CEP164: variants seen among roughly 807,000 people sequenced by gnomAD.
The protein encoded by CEP164 is centrosomal protein of 164 kDa.
CEP164 carries 162 observed loss-of-function variants against 182.7 expected under a neutral mutation model. That is an observed-to-expected ratio of 0.89 (90% confidence interval 0.78 to 1.01). CEP164 has a LOEUF of 1.01. Among genes scored for constraint, CEP164 ranks in the 50% least tolerant of loss-of-function variants. The pLI is 0.00. For synonymous variants in CEP164, 661 were observed against 690.0 expected (o/e 0.96, Z 0.66); for missense variants, 1,735 against 1,790.4 (o/e 0.97, Z 0.56).
chr11:117,380,070 G>A (rs2043155330), intron 11 of CEP164, among the ~76,000 whole-genome samples: 1 of 151,946 alleles, frequency 6.6e-6, no homozygotes, highest in African/African-American at 2.4e-5. Flanking sequence ...CAGGTGCCAG[G>A]TGGTGCCCTT....
upstream of CEP164, among the ~76,000 whole-genome samples, chr11:117,327,178 T>C (rs1233065763): frequency 1.3e-5 from 2 of 152,222 alleles, no homozygotes; most frequent in African/African-American, 4.8e-5. Context: ...GTTTAACTCC[T>C]GGTCAGGTGC....
chr11:117,401,441 T>C (rs1207946496), intron 27 of CEP164, among the ~76,000 whole-genome samples: 2 of 152,198 alleles, frequency 1.3e-5, no homozygotes, highest in African/African-American at 2.4e-5. Flanking sequence ...TGAAATTTTC[T>C]TTTTTTGTTG....
Position 117,409,238 on chromosome 11 carries a change from A to T in CEP164, c.3748+210A>T. On this transcript the variant is annotated intron_variant, in intron 29 of 32. Transcript: ENST00000278935. This position sits in a 1 kb window ranked among gnomAD's most constrained non-coding sequence, Gnocchi z 4.4. Reference sequence around the variant, plus strand: ...CTGAAAGGTCAGGGAAGCCCTCTGAATGCTGCAGAGCACTCTACGGTGTGA... The same window carrying T: ...CTGAAAGGTCAGGGAAGCCCTCTGATTGCTGCAGAGCACTCTACGGTGTGA... The T allele has an allele frequency of 4.6e-6, 3 of 657,248 alleles. No individual in the cohort carries two copies. The highest frequency in any genetic ancestry group is 7.7e-6 in the Non-Finnish European group (3 of 387,682). 40.7% of individuals were successfully genotyped at this position (657,248 alleles called of 1,614,324 possible).
chr11:117,409,030 T>A lies in CEP164; in HGVS notation c.3748+2T>A. On this transcript the variant is annotated splice_donor_variant, in intron 29 of 32. Transcript: ENST00000278935. LOFTEE classifies it high-confidence loss of function. The surrounding 1 kb of genome is among the most constrained non-coding windows in gnomAD (Gnocchi z 4.4). Reference sequence around the variant, plus strand: ...GTGAGTGGTGGCGGCAGCAGAGGAGTGAGTGGGGGAGATGCGGGGTGAGGA... The same window carrying A: ...GTGAGTGGTGGCGGCAGCAGAGGAGAGAGTGGGGGAGATGCGGGGTGAGGA... 2 of 1,612,338 alleles carry A rather than the reference T, an allele frequency of 1.2e-6. No homozygotes were observed. Among genetic ancestry groups the A allele is most frequent in the Non-Finnish European group, 1.7e-6 (2 of 1,179,528 alleles).
rs1014772358 is a variant in CEP164, at chr11:117,411,720, T to G, written c.4164-75T>G. On this transcript the variant is annotated intron_variant, in intron 31 of 32. Coordinates refer to ENST00000278935, the MANE Select transcript of CEP164 (RefSeq NM_014956.5). The surrounding 1 kb of genome is among the most constrained non-coding windows in gnomAD (Gnocchi z 4.4). ...AGAAAGAGGGAGGAGGTGACAGATG[T>G]GATGGCCTCTGTGCATCCTCTGTCA... The G allele has an allele frequency of 6.3e-7, 1 of 1,582,058 alleles. No individual in the cohort carries two copies. Among genetic ancestry groups the G allele is most frequent in the Non-Finnish European group, 8.6e-7 (1 of 1,159,344 alleles).
rs147851360 is a variant in CEP164, at chr11:117,391,576, C to A, written c.2283+361C>A. 9.0e-4 allele frequency among the ~76,000 whole-genome samples: 137 copies of A among 152,070 alleles called. 1 individual carries two copies. In the Middle Eastern group the frequency reaches 0.014, roughly 15 times the overall value. ...AAGTTCGTGACTGAAAGAGATTTAG[C>A]CAGACCAGAGGTTTTGAGACAAAGG... On this transcript the variant is annotated intron_variant, in intron 17 of 32. Transcript: ENST00000278935.
intron 8 of CEP164, among the ~76,000 whole-genome samples, chr11:117,370,229 G>A (rs1202668183): frequency 6.6e-5 from 10 of 151,856 alleles, no homozygotes; most frequent in Admixed American, 6.6e-4. Flanking sequence ...AGTGCTCGGT[G>A]AGGATGCTGT....
rs138487235 is a variant in CEP164, at chr11:117,397,296, C to A, written c.3484C>A (p.Arg1162Ser). ...PPGIKALEDM[R>S]KNLEKETRHL... ...AGGCATCAAGGCCCTGGAAGATATG[C>A]GCAAGAACCTGGAGAAGGTCAGGAG... Residue 1162 changes from arginine to serine, a missense_variant, in exon 27 of 33, where the codon CGC (arginine) becomes AGC (serine). By Grantham distance (110) the Arg-to-Ser change is moderately radical. Coordinates refer to ENST00000278935, the MANE Select transcript of CEP164 (RefSeq NM_014956.5). The A allele has an allele frequency of 2.2e-4, 350 of 1,612,742 alleles. 5 individuals are homozygous for A. The South Asian group carries it at 3.2e-3, about 15-fold the overall frequency.
chr11:117,333,974 T>C (rs367831171), intron 1 of CEP164, among the ~76,000 whole-genome samples: 2 of 152,322 alleles, frequency 1.3e-5, no homozygotes, highest in Admixed American at 6.5e-5. Context: ...TAGAACACGC[T>C]TTCCTTTTTT....
At position 117,409,058 on chromosome 11, in the gene CEP164, ATGGTAT is replaced by A; in HGVS notation, c.3748+31_3748+36del. The A allele has an allele frequency of 6.2e-7, 1 of 1,613,346 alleles. No homozygotes were observed. ...GTGGGGGAGATGCGGGGTGAGGACC[ATGGTAT>A]CCATGGAATGGGAGGAACTTGGGGA... is the stretch of plus-strand genomic sequence containing the variant. On this transcript the variant is annotated intron_variant, in intron 29 of 32. Transcript: ENST00000278935. This position sits in a 1 kb window ranked among gnomAD's most constrained non-coding sequence, Gnocchi z 4.4.
intron 5 of CEP164, chr11:117,359,491 A>G: frequency 2.0e-6 from 2 of 985,364 alleles, no homozygotes; most frequent in African/African-American, 3.5e-5. Context: ...TTTCCTGATG[A>G]GCATCTGATG....
chr11:117,408,016 C>T lies in CEP164; in HGVS notation c.3593C>T (p.Ser1198Phe). ...GAGGAGAAGCTGAATCAGTTGGAGTCCTCTCTTTGGGAAGAGGTGCAGCCC... is the reference window on the plus strand; with the variant it reads ...GAGGAGAAGCTGAATCAGTTGGAGTTCTCTCTTTGGGAAGAGGTGCAGCCC... ...KKEEKLNQLESSLWEEASDEG... is the reference protein window; with the variant it reads ...KKEEKLNQLEFSLWEEASDEG... Residue 1198 changes from serine (S) to phenylalanine (F), a missense_variant, in exon 28 of 33, where the codon TCC (serine) becomes TTC (phenylalanine). Transcript: ENST00000278935. 1 of 1,591,826 alleles carries T rather than the reference C, an allele frequency of 6.3e-7. No homozygotes were observed. Among genetic ancestry groups the T allele is most frequent in the Non-Finnish European group, 8.6e-7 (1 of 1,168,744 alleles).
intron 27 of CEP164, among the ~76,000 whole-genome samples, chr11:117,398,050 C>T (rs1233857774): frequency 6.6e-6 from 1 of 152,212 alleles, no homozygotes; most frequent in Non-Finnish European, 1.5e-5. Flanking sequence ...AAAAAACAAG[C>T]TACTGACTTT....
chr11:117,329,243 T>A (rs2035813280), intron 1 of CEP164, among the ~76,000 whole-genome samples: 1 of 152,146 alleles, frequency 6.6e-6, no homozygotes, highest in Non-Finnish European at 1.5e-5. Context: ...ACTACAGGCA[T>A]GCACCACTAT....
chr11:117,412,199 C>T lies in CEP164; in HGVS notation c.*31C>T. The T allele has an allele frequency of 6.3e-7, 1 of 1,592,468 alleles. No homozygotes were observed. Among genetic ancestry groups the T allele is most frequent in the Non-Finnish European group, 8.6e-7 (1 of 1,162,616 alleles). ...TGAGCAGGGGCTTGGGGCAGCCCAG[C>T]CTCTCCTCCACCCAGACCAAGTGCC... is the stretch of plus-strand genomic sequence containing the variant. On this transcript the variant is annotated 3_prime_UTR_variant, in exon 33 of 33. Transcript: ENST00000278935.
In CEP164 at chr11:117,393,001, C is replaced by T. The variant is rs763312597; in HGVS notation, c.2494-3C>T. ...TGCCACATCCCTGCCATCTCCCCTG[C>T]AGCTCAGCAGTCTCCTGCGAGAGAA... On this transcript the variant is annotated splice_region_variant and splice_polypyrimidine_tract_variant and intron_variant, in intron 19 of 32. Transcript: ENST00000278935. 3.1e-6 allele frequency: 5 copies of T among 1,612,820 alleles called. No homozygotes were observed. In the Admixed American group the frequency reaches 8.3e-5, roughly 27 times the overall value.
chr11:117,354,833 G>A (rs2135513845), intron 5 of CEP164: 2 of 643,700 alleles, frequency 3.1e-6, no homozygotes, highest in Admixed American at 8.1e-5. Context: ...TTAAATAGAG[G>A]GTGGGTTTTT....
rs369958379 is a variant in CEP164, at chr11:117,394,298, T to C, written c.2617-52T>C. On this transcript the variant is annotated intron_variant, in intron 20 of 32. Coordinates refer to ENST00000278935, the MANE Select transcript of CEP164 (RefSeq NM_014956.5). The surrounding 1 kb of genome is among the most constrained non-coding windows in gnomAD (Gnocchi z 4.0). ...AGGGCTAGGGGAGCTGTGATTTTTG[T>C]GGTAGAAGGGGCTGCCGCAGCTTCC... 3.1e-4 allele frequency: 479 copies of C among 1,554,528 alleles called. 1 individual carries two copies. The African/African-American group carries it at 5.9e-3, about 19-fold the overall frequency.
Position 117,382,764 on chromosome 11 carries a change from T to C in CEP164, c.1578-32T>C, listed in dbSNP as rs139752569. On this transcript the variant is annotated intron_variant, in intron 13 of 32. Coordinates refer to ENST00000278935, the MANE Select transcript of CEP164 (RefSeq NM_014956.5). ...TTAAGCCTCTTGCTTTCTTACTGGC[T>C]TTAACACAGTTGTTTCCTTACTGCT... 6 of 1,610,330 alleles carry C rather than the reference T, an allele frequency of 3.7e-6. No individual in the cohort carries two copies. The East Asian group carries it at 1.1e-4, about 30-fold the overall frequency.
Sources: gnomAD v4.1 joint callset for allele counts (sites outside exome capture counted in the v4.1 genomes callset) on GRCh38, gnomAD v4.1.1 for gene constraint, Gnocchi (gnomAD v3.1) non-coding constraint, MANE v1.5 for transcripts, NCBI Gene and HGNC (gene_info 2026-07-23, HGNC 2026-07-21) for gene names.